Variants in ADD3 observed in about 807,000 individuals in gnomAD.
ADD3 encodes the protein gamma-adducin.
In ADD3, 25 loss-of-function variants were observed where a neutral mutation model predicts 80.2. The ratio of observed to expected loss-of-function variants is 0.31; its 90% CI spans 0.23 to 0.44. ADD3 has a LOEUF of 0.44. Among genes scored for constraint, ADD3 ranks in the 20% least tolerant of loss-of-function variants. The pLI is 1.00. For synonymous variants in ADD3, 284 were observed against 289.6 expected (o/e 0.98, Z 0.20); for missense variants, 829 against 847.5 (o/e 0.98, Z 0.27).
At chr10:110,103,031 G>C (rs986993179) in intron 2 of ADD3, among the ~76,000 whole-genome samples, 2 of 152,160 alleles carry the variant, frequency 1.3e-5, no homozygotes, top group Admixed American at 6.5e-5. Context: ...GAACAAAGAA[G>C]GCTGAGATTT....
chr10:110,093,852 A>T (rs957283345), intron 1 of ADD3, among the ~76,000 whole-genome samples: 2 of 152,136 alleles, frequency 1.3e-5, no homozygotes, highest in African/African-American at 4.8e-5. Context: ...TATGAAAAAT[A>T]TATAGTTATG....
Position 110,100,839 on chromosome 10 carries a change from G to T in ADD3, c.186G>T (p.Leu62=), listed in dbSNP as rs1167446561. The part of the protein sequence containing the change: ...MEQRKRVTQI[L]QSPAFREDLE... ...AGAGGAAACGAGTTACTCAGATCCT[G>T]CAAAGTCCTGTGAGTTGAATTAGAA... The change falls in exon 2 of 15, where the codon CTG becomes CTT. Residue 62 remains leucine, a synonymous_variant. Transcript: ENST00000356080. 6.2e-7 allele frequency: 1 copy of T among 1,601,526 alleles called. No individual in the cohort carries two copies. Among genetic ancestry groups the T allele is most frequent in the East Asian group, 2.3e-5 (1 of 43,898 alleles).
chr10:110,010,100 G>C (rs191008190), intron 1 of ADD3, among the ~76,000 whole-genome samples: 35 of 152,246 alleles, frequency 2.3e-4, no homozygotes, highest in Admixed American at 3.9e-4. Flanking sequence ...TATGTTTAAA[G>C]TGTAGATCTG....
intron 1 of ADD3, among the ~76,000 whole-genome samples, chr10:110,013,146 A>G (rs1003395304): frequency 6.6e-6 from 1 of 152,154 alleles, no homozygotes; most frequent in Non-Finnish European, 1.5e-5. Flanking sequence ...TCTGTCATCC[A>G]GGCAGGAGGG....
intron 1 of ADD3, among the ~76,000 whole-genome samples, chr10:110,044,076 G>A (rs111487316): frequency 0.031 from 4,734 of 152,210 alleles, 113 homozygotes; most frequent in Middle Eastern, 0.075. Context: ...GGTGACACAC[G>A]CCTGTAGTCC....
At chr10:110,060,397 A>G (rs1858735279) in intron 1 of ADD3, among the ~76,000 whole-genome samples, 1 of 152,210 alleles carries the variant, frequency 6.6e-6, no homozygotes, top group African/African-American at 2.4e-5. Flanking sequence ...CTAAATGACA[A>G]GGAAAACCCC....
At chr10:110,116,065 C>T (rs753280079) in intron 3 of ADD3, among the ~76,000 whole-genome samples, 194 bp from the exon 4 acceptor site, 3 of 152,136 alleles carry the variant, frequency 2.0e-5, no homozygotes, top group Non-Finnish European at 2.9e-5. Flanking sequence ...TCAAAGATAG[C>T]TGATACTTAT....
chr10:110,056,659 T>C (rs1858230774), intron 1 of ADD3, among the ~76,000 whole-genome samples: 1 of 152,172 alleles, frequency 6.6e-6, no homozygotes, highest in African/African-American at 2.4e-5. Context: ...TAATTTGCTC[T>C]AAGAGTTAAT....
chr10:110,022,881 A>C (rs1199477701), intron 1 of ADD3, among the ~76,000 whole-genome samples: 1 of 152,136 alleles, frequency 6.6e-6, no homozygotes, highest in Non-Finnish European at 1.5e-5. Context: ...TAATACTAGA[A>C]TATGCAAAGC....
intron 1 of ADD3, among the ~76,000 whole-genome samples, chr10:110,023,297 C>T (rs1853899730): frequency 6.6e-6 from 1 of 152,168 alleles, no homozygotes; most frequent in African/African-American, 2.4e-5. Context: ...AGCAAGATGA[C>T]AACTATCTGT....
intron 1 of ADD3, among the ~76,000 whole-genome samples, chr10:110,076,246 T>C (rs1039237374): frequency 5.3e-5 from 8 of 152,166 alleles, no homozygotes; most frequent in Non-Finnish European, 1.2e-4. Context: ...CTTGAATAAG[T>C]ATCAGATGTT....
rs1190205131 is a variant in ADD3 at position 110,008,314 on chromosome 10, A to G, written c.-30+15A>G. ...CGCGCTGCGAGGTAATCTTGCGGGG[A>G]GAGGACGCGCCGTCGTCCCGCCTCT... On this transcript the variant is annotated intron_variant, in intron 1 of 14. Transcript: ENST00000356080. 1.3e-5 allele frequency: 2 copies of G among 152,086 alleles called. No individual in the cohort carries two copies. Among genetic ancestry groups the G allele is most frequent in the Non-Finnish European group, 2.9e-5 (2 of 68,084 alleles). The allele number at this position is 152,086 out of a possible 1,614,324, so 9.4% of individuals were successfully genotyped here. A position where few individuals can be genotyped will look rare whatever the true frequency, so the allele number is the denominator to read the frequency against.
intron 1 of ADD3, among the ~76,000 whole-genome samples, chr10:110,066,440 A>G (rs1398892123): frequency 6.6e-6 from 1 of 152,034 alleles, no homozygotes; most frequent in Non-Finnish European, 1.5e-5. Context: ...TCACTGTGTT[A>G]GCCAGGATGG....
upstream of ADD3, among the ~76,000 whole-genome samples, chr10:110,003,715 T>C (rs1420343533): frequency 6.6e-6 from 1 of 152,150 alleles, no homozygotes; most frequent in Non-Finnish European, 1.5e-5. Flanking sequence ...TGGCAGAAAG[T>C]GCCTCTGCTA....
intron 1 of ADD3, among the ~76,000 whole-genome samples, chr10:110,050,785 T>C (rs1857433996): frequency 6.6e-6 from 1 of 152,158 alleles, no homozygotes; most frequent in South Asian, 2.1e-4. Context: ...AGTGCTGGGA[T>C]TACAGGCAGG....
chr10:110,122,192 T>C lies in ADD3; in HGVS notation c.1043T>C (p.Val348Ala), dbSNP rs1564657620. 2 of 1,614,168 alleles carry C rather than the reference T, an allele frequency of 1.2e-6. No homozygotes were observed. ...FQKYKAFTYT[V>A]AASGGGGVNM... ...AAGTATAAAGCTTTCACTTACACTG[T>C]AGCAGCGTCTGGTGGAGGAGGTGTG... is the stretch of plus-strand genomic sequence containing the variant. The change falls in exon 9 of 15, where the codon GTA (valine) becomes GCA (alanine). Residue 348 changes from valine (V) to alanine (A), a missense_variant. Coordinates refer to ENST00000356080, the MANE Select transcript of ADD3 (RefSeq NM_016824.5).
At chr10:110,133,198 A>C in intron 14 of ADD3, 128 bp from the exon 15 acceptor site, 1 of 896,434 alleles carries the variant, frequency 1.1e-6, no homozygotes, top group Admixed American at 2.8e-5. Flanking sequence ...GTTTATTAAA[A>C]TAATGATCTG....
At chr10:110,119,714 C>A in intron 8 of ADD3, 150 bp downstream of exon 8, 1 of 623,552 alleles carries the variant, frequency 1.6e-6, no homozygotes, top group Non-Finnish European at 2.8e-6. Context: ...GTTTTCAACT[C>A]AGTTATCTCT....
intron 13 of ADD3, among the ~76,000 whole-genome samples, chr10:110,130,715 G>T (rs1852853160): frequency 1.3e-5 from 2 of 152,054 alleles, no homozygotes; most frequent in Non-Finnish European, 2.9e-5. Flanking sequence ...AATTAGCCGG[G>T]CATGGTGGTA....
Sources: allele counts gnomAD v4.1 joint callset (sites outside exome capture counted in the v4.1 genomes callset), GRCh38; gene constraint gnomAD v4.1.1; transcripts MANE v1.5; gene names NCBI Gene and HGNC (gene_info 2026-07-23, HGNC 2026-07-21).